The following POLK variants were observed in gnomAD, a reference collection of about 807,000 sequenced individuals.
POLK encodes the protein polymerase (DNA directed) kappa.
POLK carries 76 observed loss-of-function variants against 94.0 expected under a neutral mutation model. The observed-to-expected ratio is 0.81, with a 90% CI of 0.67 to 0.98. The LOEUF is 0.98. Ranked by LOEUF, POLK falls within the 50% of genes least tolerant of loss-of-function variation. The pLI is 0.00. For missense variants in POLK, 954 were observed against 1,010.1 expected (o/e 0.94, Z 0.75); for synonymous variants, 349 against 325.4 (o/e 1.07, Z -0.78).
At chr5:75,604,365 C>T (rs903749695), downstream of POLK, among the ~76,000 whole-genome samples, 1 of 152,052 alleles carries the variant, frequency 6.6e-6, no homozygotes, top group African/African-American at 2.4e-5. Flanking sequence ...AAAATCATAC[C>T]TGGTGTACCT....
intron 9 of POLK, 71 bp downstream of exon 9, chr5:75,584,997 G>A (rs894492394): frequency 7.7e-6 from 7 of 909,180 alleles, no homozygotes; most frequent in Non-Finnish European, 8.8e-6. Context: ...CCATTGAGAT[G>A]AGGCTATATG....
At chr5:75,510,878 C>G (rs1011620305), upstream of POLK, among the ~76,000 whole-genome samples, 6 of 152,182 alleles carry the variant, frequency 3.9e-5, no homozygotes, top group East Asian at 1.2e-3. Context: ...GCCTCCCAAA[C>G]TGGATCTCAG....
chr5:75,577,745 A>G (rs1771971659), intron 6 of POLK, among the ~76,000 whole-genome samples: 1 of 152,220 alleles, frequency 6.6e-6, no homozygotes, highest in Non-Finnish European at 1.5e-5. Context: ...GTAGATCCAC[A>G]ATGACATTAA....
At chr5:75,557,752 C>T (rs1373887844) in intron 3 of POLK, among the ~76,000 whole-genome samples, 1 of 152,094 alleles carries the variant, frequency 6.6e-6, no homozygotes, top group East Asian at 1.9e-4. Flanking sequence ...CTAAGTATTT[C>T]ATTTTTGGAG....
chr5:75,601,245 A>C (rs928597672), downstream of POLK: 1 of 152,172 alleles, frequency 6.6e-6, no homozygotes, highest in Non-Finnish European at 1.5e-5. Context: ...CTTGCTGAAC[A>C]CAGCAAGAAA....
At chr5:75,570,326 A>G (rs1257866226) in intron 4 of POLK, among the ~76,000 whole-genome samples, 1 of 152,222 alleles carries the variant, frequency 6.6e-6, no homozygotes, top group Non-Finnish European at 1.5e-5. Context: ...TTGAAGAAGA[A>G]AGAAAAGGAA....
At position 75,519,447 on chromosome 5, in the gene POLK, G is replaced by C. The variant is rs1173130120; in HGVS notation, c.-14+7533G>C. On this transcript the variant is annotated intron_variant, in intron 1 of 14. Coordinates refer to ENST00000241436, the Ensembl canonical transcript of POLK. ...CTGTTTCTTTGTTGATTTTCTGTCT[G>C]TATGATTTGTCCTTTCCTGAGAGTA... Among the ~76,000 whole-genome samples, 3 of 152,098 alleles carry C rather than the reference G, an allele frequency of 2.0e-5. No individual in the cohort carries two copies. The East Asian group carries it at 5.8e-4, about 29-fold the overall frequency.
intron 1 of POLK, among the ~76,000 whole-genome samples, chr5:75,536,663 A>G (rs1769460303): frequency 6.6e-6 from 1 of 151,678 alleles, no homozygotes; most frequent in Admixed American, 6.6e-5. Flanking sequence ...GGCTGTGCCT[A>G]CCAGCTGAGT....
chr5:75,562,494 C>A (rs184925552), intron 3 of POLK, among the ~76,000 whole-genome samples: 1 of 152,118 alleles, frequency 6.6e-6, no homozygotes, highest in Non-Finnish European at 1.5e-5. Context: ...AATTGAATAC[C>A]CTTTATTTCT....
intron 2 of POLK, among the ~76,000 whole-genome samples, chr5:75,550,193 T>C (rs752594633): frequency 1.3e-5 from 2 of 152,194 alleles, no homozygotes; most frequent in Non-Finnish European, 2.9e-5. Flanking sequence ...AATGCAAAAG[T>C]CCTCAACAAA....
intron 9 of POLK, among the ~76,000 whole-genome samples, chr5:75,586,370 A>G (rs1772471579): frequency 1.3e-5 from 2 of 152,108 alleles, no homozygotes; most frequent in African/African-American, 2.4e-5. Context: ...TACTTGGTCT[A>G]TTTCCTTCAT....
At chr5:75,541,738 C>G (rs1261011583) in intron 1 of POLK, among the ~76,000 whole-genome samples, 1 of 152,114 alleles carries the variant, frequency 6.6e-6, no homozygotes, top group Non-Finnish European at 1.5e-5. Context: ...GTTTTTTCCT[C>G]TTGTTTTGCA....
intron 2 of POLK, among the ~76,000 whole-genome samples, chr5:75,550,386 C>T (rs1306305072): frequency 6.6e-6 from 1 of 152,084 alleles, no homozygotes; most frequent in Non-Finnish European, 1.5e-5. Flanking sequence ...CAAGACCAGC[C>T]TGACCAATAT....
intron 1 of POLK, among the ~76,000 whole-genome samples, chr5:75,535,619 C>G (rs1229019396): frequency 1.3e-5 from 2 of 152,072 alleles, no homozygotes; most frequent in African/African-American, 4.8e-5. Flanking sequence ...TACATAATCA[C>G]ATTATTTCTT....
intron 1 of POLK, among the ~76,000 whole-genome samples, chr5:75,515,949 T>C (rs540620381): frequency 6.6e-6 from 1 of 152,308 alleles, no homozygotes; most frequent in Admixed American, 6.5e-5. Flanking sequence ...TGATAGCTCA[T>C]TGTGGTTTTG....
chr5:75,595,264 A>AAAAAAAAAAAAAAAAAAAAAAAAC (rs1368855092), intron 12 of POLK, among the ~76,000 whole-genome samples: 1 of 150,218 alleles, frequency 6.7e-6, no homozygotes. Flanking sequence ...AAAAAAAAAA[A>AAAAAAAAAAAAAAAAAAAAAAAAC]AAAAAAAAAG....
At chr5:75,547,616 G>A (rs1770105025) in intron 2 of POLK, among the ~76,000 whole-genome samples, 1 of 152,142 alleles carries the variant, frequency 6.6e-6, no homozygotes, top group Admixed American at 6.6e-5. Flanking sequence ...CATTACTAGT[G>A]AAGTAGGGAA....
intron 9 of POLK, among the ~76,000 whole-genome samples, chr5:75,585,487 A>C (rs887087848): frequency 1.8e-4 from 28 of 152,324 alleles, no homozygotes; most frequent in African/African-American, 6.5e-4. Flanking sequence ...AAGAAAGTAA[A>C]GCAGAGTGAG....
upstream of POLK, chr5:75,511,278 C>T (rs548123904): frequency 1.3e-6 from 2 of 1,584,002 alleles, no homozygotes; most frequent in Admixed American, 3.7e-5. Flanking sequence ...GCCCAGTCCT[C>T]GGGGTGAAGG....
Sources: allele counts gnomAD v4.1 joint callset (sites outside exome capture counted in the v4.1 genomes callset), GRCh38; gene constraint gnomAD v4.1.1; transcripts MANE v1.5; gene names NCBI Gene and HGNC (gene_info 2026-07-23, HGNC 2026-07-21).